CCDC91: variants seen among roughly 807,000 people sequenced by gnomAD.
The protein encoded by CCDC91 is coiled-coil domain-containing protein 91.
In CCDC91, 48 loss-of-function variants were observed where a neutral mutation model predicts 63.2. The ratio of observed to expected loss-of-function variants is 0.76; its 90% confidence interval spans 0.60 to 0.97. The LOEUF (loss-of-function observed/expected upper bound fraction) is 0.97. Ranked by LOEUF, CCDC91 falls within the 50% of genes least tolerant of loss-of-function variation. CCDC91 has a pLI of 0.00. For missense variants in CCDC91, 500 were observed against 494.6 expected, an observed-to-expected ratio of 1.01 and a Z score of -0.10; for synonymous variants, 167 against 165.8, an observed-to-expected ratio of 1.01 and a Z score of -0.06.
At chr12:28,453,359 G>T (rs1949907545) in intron 11 of CCDC91, among the ~76,000 whole-genome samples, 1 of 151,928 alleles carries the variant, frequency 6.6e-6, no homozygotes. Flanking sequence ...ATTCATAGAA[G>T]TCTAACATGT....
intron 1 of CCDC91, among the ~76,000 whole-genome samples, chr12:28,217,799 A>G (rs1943662073): frequency 6.6e-6 from 1 of 152,122 alleles, no homozygotes; most frequent in Admixed American, 6.5e-5. Flanking sequence ...GGGTGGTGGT[A>G]TGCTCTTATT....
intron 1 of CCDC91, among the ~76,000 whole-genome samples, chr12:28,217,115 C>T (rs190676585): frequency 1.5e-4 from 23 of 152,076 alleles, no homozygotes; most frequent in Non-Finnish European, 2.2e-4. Flanking sequence ...AATTACGGCC[C>T]GAACTAATCT....
At chr12:28,539,135 G>T (rs1942430209) in intron 12 of CCDC91, among the ~76,000 whole-genome samples, 1 of 152,090 alleles carries the variant, frequency 6.6e-6, no homozygotes, top group Admixed American at 6.5e-5. Flanking sequence ...GTCAATTTTG[G>T]CTTTTGTTGC....
chr12:28,411,543 A>G (rs2139717896), intron 8 of CCDC91, among the ~76,000 whole-genome samples: 1 of 152,286 alleles, frequency 6.6e-6, no homozygotes, highest in Non-Finnish European at 1.5e-5. Flanking sequence ...GTCATATTTC[A>G]CTTTCTCTTC....
At chr12:28,193,975 T>C (rs1434786558) in intron 1 of CCDC91, among the ~76,000 whole-genome samples, 1 of 152,238 alleles carries the variant, frequency 6.6e-6, no homozygotes, top group African/African-American at 2.4e-5. Context: ...AGCATTTCCT[T>C]CGAGTCTGAG....
Position 28,484,170 on chromosome 12 carries a change from G to A in CCDC91, c.1215+5G>A, listed in dbSNP as rs1951596980. ...TATATAAAAGAACAGAAAAGGGTAA[G>A]TATCTCCTGAAGAGTTTTAATTTGT... On this transcript the variant is annotated splice_donor_5th_base_variant and intron_variant, in intron 12 of 12. Transcript: ENST00000536442. 3.9e-6 allele frequency: 6 copies of A among 1,538,610 alleles called. No homozygotes were observed. Among genetic ancestry groups the A allele is most frequent in the African/African-American group, 2.7e-5 (2 of 73,156 alleles).
At chr12:28,407,632 C>T (rs138241792) in intron 8 of CCDC91, among the ~76,000 whole-genome samples, 1 of 152,116 alleles carries the variant, frequency 6.6e-6, no homozygotes, top group African/African-American at 2.4e-5. Flanking sequence ...ATTTCTACAA[C>T]AAGGCCTGTT....
chr12:28,304,381 A>G (rs1938438390), intron 3 of CCDC91, among the ~76,000 whole-genome samples: 1 of 32,212 alleles, frequency 3.1e-5, no homozygotes, highest in African/African-American at 6.8e-5. Flanking sequence ...CGTCTAAAAA[A>G]AAAAAAAAAA....
intron 1 of CCDC91, among the ~76,000 whole-genome samples, chr12:28,215,834 C>T (rs1943529173): frequency 6.6e-6 from 1 of 152,050 alleles, no homozygotes; most frequent in African/African-American, 2.4e-5. Context: ...GGAATTGATA[C>T]ATCTTTTTTA....
intron 12 of CCDC91, among the ~76,000 whole-genome samples, chr12:28,528,065 C>T (rs765677565): frequency 5.0e-4 from 76 of 152,192 alleles, no homozygotes; most frequent in Non-Finnish European, 9.3e-4. Context: ...CTTCTCCCCC[C>T]ACCTGTGGAG....
At chr12:28,341,128 C>T (rs1330439814) in intron 6 of CCDC91, among the ~76,000 whole-genome samples, 6 of 152,162 alleles carry the variant, frequency 3.9e-5, no homozygotes, top group South Asian at 2.1e-4. Context: ...TTTCCACTGG[C>T]GTCCTCTCAA....
rs1239735106 is a variant in CCDC91 at position 28,306,790 on chromosome 12, G to A, written c.316G>A (p.Gly106Ser). 1.9e-6 allele frequency: 3 copies of A among 1,611,460 alleles called. No homozygotes were observed. The African/African-American group carries it at 4.0e-5, about 22-fold the overall frequency. The change falls in exon 5 of 13, where the codon GGT (glycine) becomes AGT (serine). Residue 106 changes from glycine to serine, a missense_variant. Coordinates refer to ENST00000536442, the MANE Select transcript of CCDC91 (RefSeq NM_018318.5). ...TCTGGATATCTCACTTTTTCCATTGGGTTTAACTGATGAAAAAAGTAATGG... is the reference window on the plus strand; with the variant it reads ...TCTGGATATCTCACTTTTTCCATTGAGTTTAACTGATGAAAAAAGTAATGG... ...THLDISLFPLGLTDEKSNGTI... is the reference protein window; with the variant it reads ...THLDISLFPLSLTDEKSNGTI...
At chr12:28,325,867 TG>T (rs1165374900) in intron 6 of CCDC91, among the ~76,000 whole-genome samples, 1 of 152,094 alleles carries the variant, frequency 6.6e-6, no homozygotes, top group Non-Finnish European at 1.5e-5. Context: ...ATTTTAGTTG[TG>T]TTTAATTTTA....
intron 7 of CCDC91, among the ~76,000 whole-genome samples, chr12:28,379,797 T>G (rs1346508881): frequency 6.6e-6 from 1 of 152,198 alleles, no homozygotes; most frequent in Non-Finnish European, 1.5e-5. Context: ...AGCAATCCCA[T>G]TACTGGGCAT....
chr12:28,357,236 A>C (rs1445619993), intron 6 of CCDC91, among the ~76,000 whole-genome samples: 1 of 152,124 alleles, frequency 6.6e-6, no homozygotes, highest in Non-Finnish European at 1.5e-5. Context: ...TCTATTAAAA[A>C]ATTTCTTGAA....
chr12:28,402,917 T>G (rs964860930), intron 8 of CCDC91, among the ~76,000 whole-genome samples: 1 of 152,188 alleles, frequency 6.6e-6, no homozygotes, highest in Non-Finnish European at 1.5e-5. Flanking sequence ...GCTATTTTTC[T>G]TTAGCTTGTT....
At chr12:28,498,402 A>G (rs1427409194) in intron 12 of CCDC91, among the ~76,000 whole-genome samples, 1 of 151,544 alleles carries the variant, frequency 6.6e-6, no homozygotes, top group Non-Finnish European at 1.5e-5. Flanking sequence ...GAAAGCCCAA[A>G]CAGGTAAACA....
chr12:28,475,816 A>G (rs12367657), intron 11 of CCDC91, among the ~76,000 whole-genome samples: 32,095 of 151,898 alleles, frequency 0.21, 4,363 homozygotes, highest in Non-Finnish European at 0.31. Context: ...GCAAACCATG[A>G]ATCAATTTTC....
chr12:28,204,139 T>G (rs1310548035), intron 1 of CCDC91, among the ~76,000 whole-genome samples: 1 of 152,168 alleles, frequency 6.6e-6, no homozygotes, highest in East Asian at 1.9e-4. Context: ...CAGTCATAAT[T>G]GAGAATATTA....
Sources: allele counts gnomAD v4.1 joint callset (sites outside exome capture counted in the v4.1 genomes callset), GRCh38; gene constraint gnomAD v4.1.1; transcripts MANE v1.5; gene names NCBI Gene and HGNC (gene_info 2026-07-23, HGNC 2026-07-21).